The following MTPN variants were observed in gnomAD, a reference collection of about 807,000 sequenced individuals.
MTPN encodes the protein granule cell differentiation protein.
In MTPN, 2 loss-of-function variants were observed where a neutral mutation model predicts 13.5. The ratio of observed to expected loss-of-function variants is 0.15; its 90% CI spans 0.06 to 0.47. The LOEUF is 0.47. MTPN is among the 20% of genes least tolerant of loss of function. The pLI, the probability that MTPN is intolerant of heterozygous loss-of-function variation, is 0.97. For missense variants in MTPN, 79 were observed against 137.9 expected (o/e 0.57, Z 2.14); for synonymous variants, 46 against 51.7 (o/e 0.89, Z 0.48).
intron 3 of MTPN, among the ~76,000 whole-genome samples, chr7:135,933,220 A>G (rs182001466): frequency 5.3e-5 from 8 of 151,930 alleles, no homozygotes; most frequent in Admixed American, 3.9e-4. Flanking sequence ...TTATTTGCAT[A>G]GCTTTAAATA....
intron 2 of MTPN, among the ~76,000 whole-genome samples, chr7:135,950,964 CCTCT>C (rs1412096074): frequency 5.3e-5 from 8 of 152,130 alleles, no homozygotes; most frequent in Non-Finnish European, 8.8e-5. Context: ...TATTATTTAG[CCTCT>C]CTAAGCCTTG....
chr7:135,954,558 C>G (rs952572758), intron 1 of MTPN, among the ~76,000 whole-genome samples: 1 of 152,118 alleles, frequency 6.6e-6, no homozygotes, highest in Non-Finnish European at 1.5e-5. Context: ...ATTAACTGGA[C>G]GAGTCTTTAG....
In MTPN at chr7:135,951,528, C is replaced by T; in HGVS notation, c.175G>A (p.Ala59Thr). The T allele has an allele frequency of 6.2e-7, 1 of 1,612,140 alleles. No individual in the cohort carries two copies. Among genetic ancestry groups the T allele is most frequent in the Non-Finnish European group, 8.5e-7 (1 of 1,178,876 alleles). ...EILEFLLLKGADINAPDKHHI... is the reference protein window; with the variant it reads ...EILEFLLLKGTDINAPDKHHI... Reference sequence around the variant, plus strand: ...CGTCCTCTACGTACATTAATATCTGCTCCTTTCAGCAGCAGAAATTCCAGG... The same window carrying T: ...CGTCCTCTACGTACATTAATATCTGTTCCTTTCAGCAGCAGAAATTCCAGG... The change falls in exon 2 of 4, where the codon GCA (alanine) becomes ACA (threonine). Residue 59 changes from alanine to threonine, a missense_variant. Physicochemically the swap from Ala to Thr is moderately conservative, Grantham distance 58. Transcript: ENST00000393085.
In MTPN at chr7:135,972,648, C is replaced by T. The variant is rs551849914; in HGVS notation, c.72+4381G>A. Among the ~76,000 whole-genome samples, 4 of 152,202 alleles carry T rather than the reference C, an allele frequency of 2.6e-5. No homozygotes were observed. The South Asian group carries it at 8.3e-4, about 32-fold the overall frequency. ...TTATCTACCCTCCAGGAGTTCAGAGCCTAATGAAGACACATGTAAACAAAA... is the reference window on the plus strand; with the variant it reads ...TTATCTACCCTCCAGGAGTTCAGAGTCTAATGAAGACACATGTAAACAAAA... On this transcript the variant is annotated intron_variant, in intron 1 of 3. Coordinates refer to ENST00000393085, the MANE Select transcript of MTPN (RefSeq NM_145808.4).
chr7:135,952,651 C>T (rs1257560968), intron 1 of MTPN, among the ~76,000 whole-genome samples: 2 of 152,136 alleles, frequency 1.3e-5, no homozygotes, highest in African/African-American at 4.8e-5. Context: ...TCAGATTTTA[C>T]TGAGGAGCAA....
At position 135,928,860 on chromosome 7, in the gene MTPN, C is replaced by T. The variant is rs1162938393; in HGVS notation, c.*1066G>A. The T allele has an allele frequency of 6.0e-6, 1 of 167,028 alleles. No individual in the cohort carries two copies. The highest frequency in any genetic ancestry group is 1.5e-5 in the Non-Finnish European group (1 of 68,108). 10.3% of individuals were successfully genotyped at this position (167,028 alleles called of 1,614,324 possible). A position where few individuals can be genotyped will look rare whatever the true frequency, so the allele number is the denominator to read the frequency against. ...TCAACAACTCTGGGAAACCTGGTTACAAGTGTATTTTTGAAGGGATGGGGC... is the reference window on the plus strand; with the variant it reads ...TCAACAACTCTGGGAAACCTGGTTATAAGTGTATTTTTGAAGGGATGGGGC... On this transcript the variant is annotated 3_prime_UTR_variant, in exon 4 of 4. Coordinates refer to ENST00000393085, the MANE Select transcript of MTPN (RefSeq NM_145808.4).
chr7:135,931,990 G>C (rs1038825180), intron 3 of MTPN, among the ~76,000 whole-genome samples: 1 of 151,744 alleles, frequency 6.6e-6, no homozygotes, highest in East Asian at 1.9e-4. Context: ...AAATTACACA[G>C]TAAATTGTTA....
chr7:135,973,098 T>C (rs1799720209), intron 1 of MTPN, among the ~76,000 whole-genome samples: 1 of 150,522 alleles, frequency 6.6e-6, no homozygotes, highest in African/African-American at 2.4e-5. Context: ...CACAAAAGTA[T>C]TAATATTTTA....
Position 135,929,853 on chromosome 7 carries a change from G to A in MTPN, c.*73C>T. 1 of 1,406,624 alleles carries A rather than the reference G, an allele frequency of 7.1e-7. No homozygotes were observed. Among genetic ancestry groups the A allele is most frequent in the South Asian group, 1.2e-5 (1 of 86,900 alleles). The allele number at this position is 1,406,624 out of a possible 1,614,324, so 87.1% of individuals were successfully genotyped here. ...AGCTGAAGAAGCTGGCAGATAGAGA[G>A]TGACAGACAGACAGGCAGCAGTGTG... On this transcript the variant is annotated 3_prime_UTR_variant, in exon 4 of 4. Transcript: ENST00000393085.
intron 1 of MTPN, among the ~76,000 whole-genome samples, chr7:135,975,447 T>A (rs1799760007): frequency 6.6e-6 from 1 of 152,232 alleles, no homozygotes; most frequent in South Asian, 2.1e-4. Context: ...GTATCCTGCA[T>A]CTCAGTAATC....
At chr7:135,967,866 G>A (rs73164925) in intron 1 of MTPN, among the ~76,000 whole-genome samples, 8,013 of 152,248 alleles carry the variant, frequency 0.053, 267 homozygotes, top group South Asian at 0.15. Context: ...TAGCCTCTAT[G>A]CTATGGTTTC....
rs140516283 is a variant in MTPN at position 135,975,168 on chromosome 7, T to G, written c.72+1861A>C. On this transcript the variant is annotated intron_variant, in intron 1 of 3. Transcript: ENST00000393085. Reference sequence around the variant, plus strand: ...AATTGAACATGATAACCTAACCTAATTATAAAACTAATTGGAAATAAATTA... The same window carrying G: ...AATTGAACATGATAACCTAACCTAAGTATAAAACTAATTGGAAATAAATTA... 6.8e-4 allele frequency among the ~76,000 whole-genome samples: 104 copies of G among 152,366 alleles called. 1 individual carries two copies. The East Asian group carries it at 0.018, about 26-fold the overall frequency.
At chr7:135,969,037 G>A (rs1481791671) in intron 1 of MTPN, among the ~76,000 whole-genome samples, 1 of 132,950 alleles carries the variant, frequency 7.5e-6, no homozygotes, top group Admixed American at 8.9e-5. Context: ...GTGGTGTTTG[G>A]TTTTTTGTTC....
At chr7:135,960,384 G>A (rs1244248026) in intron 1 of MTPN, among the ~76,000 whole-genome samples, 1 of 151,810 alleles carries the variant, frequency 6.6e-6, no homozygotes, top group Non-Finnish European at 1.5e-5. Flanking sequence ...TATGCCTTAG[G>A]CAATAGAGAA....
At chr7:135,972,821 G>T (rs144970541) in intron 1 of MTPN, among the ~76,000 whole-genome samples, 12 of 151,628 alleles carry the variant, frequency 7.9e-5, no homozygotes, top group Non-Finnish European at 1.5e-4. Context: ...CTCCTCATCG[G>T]TATGGTGTTT....
intron 3 of MTPN, among the ~76,000 whole-genome samples, chr7:135,930,701 G>A (rs750084810): frequency 3.8e-4 from 58 of 152,112 alleles, no homozygotes; most frequent in Admixed American, 5.2e-4. Flanking sequence ...ACCCTTTCTG[G>A]ATGAAAGCTC....
In MTPN at chr7:135,969,817, T is replaced by G. The variant is rs938887141; in HGVS notation, c.72+7212A>C. ...ATGATAAAAAACTGATTTCCCTAAT[T>G]TATAGAGTTTATACAAACCAATAAA... is the stretch of plus-strand genomic sequence containing the variant. On this transcript the variant is annotated intron_variant, in intron 1 of 3. Transcript: ENST00000393085. Among the ~76,000 whole-genome samples, 3 of 152,210 alleles carry G rather than the reference T, an allele frequency of 2.0e-5. No homozygotes were observed. In the East Asian group the frequency reaches 5.8e-4, roughly 29 times the overall value.
intron 1 of MTPN, among the ~76,000 whole-genome samples, chr7:135,957,526 G>GA (rs1799459701): frequency 6.6e-6 from 1 of 152,202 alleles, no homozygotes; most frequent in Non-Finnish European, 1.5e-5. Flanking sequence ...AAGTGACAGT[G>GA]CATGACCAGT....
At position 135,933,173 on chromosome 7, in the gene MTPN, C is replaced by T. The variant is rs1314047550; in HGVS notation, c.271-3161G>A. ...AGAATTTAAGTATATTTGGCCCTAT[C>T]CCTTCCTTGAAGAAACCATTTTTTA... On this transcript the variant is annotated intron_variant, in intron 3 of 3. Transcript: ENST00000393085. Among the ~76,000 whole-genome samples, 3 of 150,760 alleles carry T rather than the reference C, an allele frequency of 2.0e-5. No homozygotes were observed. The East Asian group carries it at 5.8e-4, about 29-fold the overall frequency.
Sources: gnomAD v4.1 joint callset for allele counts (sites outside exome capture counted in the v4.1 genomes callset) on GRCh38, gnomAD v4.1.1 for gene constraint, MANE v1.5 for transcripts, NCBI Gene and HGNC (gene_info 2026-07-23, HGNC 2026-07-21) for gene names.